Variants in ATP10A observed in about 807,000 individuals in gnomAD.
The protein encoded by ATP10A is ATPase phospholipid transporting 10A (putative).
In ATP10A, 111 loss-of-function variants were observed where a neutral mutation model predicts 147.8. The observed-to-expected ratio is 0.75, with a 90% CI of 0.64 to 0.88. The LOEUF is 0.88. ATP10A is among the 40% of genes least tolerant of loss of function. The pLI is 0.00. For missense variants in ATP10A, 1,927 were observed against 1,959.0 expected, an observed-to-expected ratio of 0.98 and a Z score of 0.31; for synonymous variants, 875 against 841.6, an observed-to-expected ratio of 1.04 and a Z score of -0.69.
At chr15:25,741,123 T>C (rs1887562447) in intron 2 of ATP10A, among the ~76,000 whole-genome samples, 1 of 152,240 alleles carries the variant, frequency 6.6e-6, no homozygotes, top group Admixed American at 6.5e-5. Context: ...TCAAACCCCG[T>C]GCTTCCTGGG....
At chr15:25,725,805 G>T in intron 5 of ATP10A, 146 bp downstream of exon 5, 1 of 975,604 alleles carries the variant, frequency 1.0e-6, no homozygotes. Context: ...TTTTAGTAGA[G>T]ATGGGATTTC....
chr15:25,698,198 A>C (rs1035766799), intron 13 of ATP10A, among the ~76,000 whole-genome samples: 1 of 152,218 alleles, frequency 6.6e-6, no homozygotes, highest in African/African-American at 2.4e-5. Flanking sequence ...TACTAGGCTA[A>C]TGTAAGATCA....
chr15:25,756,865 GACTA>G (rs1157853974), intron 2 of ATP10A, among the ~76,000 whole-genome samples: 1 of 152,174 alleles, frequency 6.6e-6, no homozygotes, highest in African/African-American at 2.4e-5. Flanking sequence ...CTTAGGTGCT[GACTA>G]ACATTTGCAT....
chr15:25,777,086 T>A (rs915233609), intron 2 of ATP10A, among the ~76,000 whole-genome samples: 1 of 128,602 alleles, frequency 7.8e-6, no homozygotes, highest in African/African-American at 3.1e-5. Flanking sequence ...TGCGTGTGTG[T>A]GCATACGTGC....
chr15:25,730,025 TCACACCTGTAATCCCAG>T (rs1462109119), intron 3 of ATP10A, among the ~76,000 whole-genome samples: 1 of 151,532 alleles, frequency 6.6e-6, no homozygotes. Context: ...GCGCGGTGGC[TCACACCTGTAATCCCAG>T]CACTTTGGGA....
At chr15:25,738,143 A>AG (rs34135796) in intron 2 of ATP10A, among the ~76,000 whole-genome samples, 109,422 of 151,984 alleles carry the variant, frequency 0.72, 41,410 homozygotes, top group Non-Finnish European at 0.86. Flanking sequence ...CAGGCAACAC[A>AG]CAACACTCCC....
At chr15:25,781,265 G>T in intron 1 of ATP10A, 42 bp from the exon 2 acceptor site, 1 of 1,543,684 alleles carries the variant, frequency 6.5e-7, no homozygotes, top group Non-Finnish European at 8.8e-7. Flanking sequence ...CGAGACATTG[G>T]TCGTGGCTGG....
At chr15:25,773,293 G>A (rs935230199) in intron 2 of ATP10A, among the ~76,000 whole-genome samples, 2 of 152,160 alleles carry the variant, frequency 1.3e-5, no homozygotes, top group African/African-American at 4.8e-5. Flanking sequence ...TAGGTTGAAC[G>A]AGGGAAGCTG....
chr15:25,813,945 G>A (rs1382792502), intron 1 of ATP10A, among the ~76,000 whole-genome samples: 2 of 151,956 alleles, frequency 1.3e-5, no homozygotes, highest in Non-Finnish European at 2.9e-5. Context: ...AGTTTGGGGG[G>A]CGGTGGGAAA....
intron 7 of ATP10A, among the ~76,000 whole-genome samples, chr15:25,720,213 G>A (rs900580287): frequency 6.6e-6 from 1 of 152,028 alleles, no homozygotes; most frequent in Non-Finnish European, 1.5e-5. Context: ...TACATTCATG[G>A]GGTGCAATGT....
intron 1 of ATP10A, among the ~76,000 whole-genome samples, chr15:25,800,222 T>G (rs1247819555): frequency 2.0e-5 from 3 of 152,166 alleles, no homozygotes. Context: ...ACATTTAAAA[T>G]AAAGACAGAA....
intron 1 of ATP10A, chr15:25,841,454 CT>C (rs1677405312): frequency 6.6e-6 from 1 of 152,116 alleles, no homozygotes; most frequent in South Asian, 2.1e-4. Flanking sequence ...TGATACCACA[CT>C]TTGCAGCTCC....
intron 2 of ATP10A, among the ~76,000 whole-genome samples, chr15:25,775,880 C>T (rs1889582340): frequency 1.3e-5 from 2 of 152,356 alleles, no homozygotes; most frequent in South Asian, 2.1e-4. Context: ...CCCGCCTCAC[C>T]CCGGCTGAAA....
intron 1 of ATP10A, among the ~76,000 whole-genome samples, chr15:25,856,115 A>T (rs1597007045): frequency 6.6e-6 from 1 of 152,212 alleles, no homozygotes; most frequent in Non-Finnish European, 1.5e-5. Context: ...TAGAAAGCTA[A>T]CTGGTTACTG....
intron 12 of ATP10A, among the ~76,000 whole-genome samples, chr15:25,703,158 G>C (rs1295750403): frequency 6.6e-6 from 1 of 152,172 alleles, no homozygotes; most frequent in African/African-American, 2.4e-5. Context: ...AGGAGTTCCA[G>C]ACCAACCTGG....
chr15:25,774,499 G>A (rs143233414), intron 2 of ATP10A, among the ~76,000 whole-genome samples: 3,445 of 151,954 alleles, frequency 0.023, 52 homozygotes, highest in South Asian at 0.043. Flanking sequence ...ACTTGAACCC[G>A]GGAGGCAGAG....
chr15:25,716,667 C>G, intron 9 of ATP10A, 63 bp downstream of exon 9: 1 of 1,438,022 alleles, frequency 7.0e-7, no homozygotes, highest in East Asian at 2.5e-5. Context: ...CTCAGGAGGA[C>G]TGACAACCAT....
chr15:25,772,650 G>A (rs1944981890), intron 2 of ATP10A, among the ~76,000 whole-genome samples: 1 of 152,212 alleles, frequency 6.6e-6, no homozygotes, highest in African/African-American at 2.4e-5. Flanking sequence ...TTCTCGCCAA[G>A]GGCTGGTGCC....
At chr15:25,758,945 T>C (rs1235079750) in intron 2 of ATP10A, among the ~76,000 whole-genome samples, 1 of 152,086 alleles carries the variant, frequency 6.6e-6, no homozygotes, top group Non-Finnish European at 1.5e-5. Flanking sequence ...CTATCTGCTC[T>C]CCCCTGACTC....
Sources: allele counts gnomAD v4.1 joint callset (sites outside exome capture counted in the v4.1 genomes callset), GRCh38; gene constraint gnomAD v4.1.1; transcripts MANE v1.5; gene names NCBI Gene and HGNC (gene_info 2026-07-23, HGNC 2026-07-21).